Variants in CDH13 observed in about 807,000 individuals in gnomAD.
CDH13 encodes cadherin 13.
CDH13 carries 24 observed loss-of-function variants against 63.8 expected under a neutral mutation model. The ratio of observed to expected loss-of-function variants is 0.38; its 90% CI spans 0.27 to 0.53. The LOEUF is 0.53. Among genes scored for constraint, CDH13 ranks in the 20% least tolerant of loss-of-function variants. CDH13 has a pLI of 0.85. For missense variants in CDH13, 1,049 were observed against 903.1 expected (o/e 1.16, Z -2.07); for synonymous variants, 503 against 355.3 (o/e 1.42, Z -4.67).
At chr16:83,539,667 A>G (rs959046364) in intron 7 of CDH13, among the ~76,000 whole-genome samples, 3 of 152,246 alleles carry the variant, frequency 2.0e-5, no homozygotes, top group Non-Finnish European at 4.4e-5. Flanking sequence ...CGTGTCACTC[A>G]TGGAGTCCTC....
chr16:83,536,956 T>A (rs1307990425), intron 7 of CDH13, among the ~76,000 whole-genome samples: 2 of 152,122 alleles, frequency 1.3e-5, no homozygotes, highest in Non-Finnish European at 2.9e-5. Flanking sequence ...ATGCCACAGG[T>A]GTTTCATCTT....
chr16:83,589,943 TG>T (rs560559035), intron 7 of CDH13, among the ~76,000 whole-genome samples: 1 of 128,796 alleles, frequency 7.8e-6, no homozygotes, highest in Non-Finnish European at 1.6e-5. Flanking sequence ...GCTTAGGAGG[TG>T]GGGGCGGGAA....
intron 5 of CDH13, among the ~76,000 whole-genome samples, chr16:83,251,672 C>G (rs923822399): frequency 2.0e-5 from 3 of 152,342 alleles, no homozygotes; most frequent in East Asian, 1.9e-4. Flanking sequence ...TGGCGTAGGC[C>G]TTCGTTGACA....
chr16:82,783,214 C>T (rs1321849402), intron 1 of CDH13, among the ~76,000 whole-genome samples: 2 of 152,232 alleles, frequency 1.3e-5, no homozygotes, highest in East Asian at 3.9e-4. Context: ...CAGCTCCTCC[C>T]CTTCAGGGCC....
chr16:83,615,587 T>C (rs1423553085), intron 8 of CDH13, among the ~76,000 whole-genome samples: 1 of 152,174 alleles, frequency 6.6e-6, no homozygotes, highest in Non-Finnish European at 1.5e-5. Flanking sequence ...TCAACCCAAC[T>C]ATATGCTACT....
intron 2 of CDH13, among the ~76,000 whole-genome samples, chr16:82,966,915 A>T (rs12598295): frequency 0.15 from 22,887 of 152,156 alleles, 1,779 homozygotes; most frequent in Middle Eastern, 0.2. Flanking sequence ...CAACACACTT[A>T]ATTTGGATTT....
chr16:83,750,085 C>T (rs1418792928), intron 11 of CDH13, among the ~76,000 whole-genome samples: 1 of 152,060 alleles, frequency 6.6e-6, no homozygotes, highest in African/African-American at 2.4e-5. Flanking sequence ...ATTACAAGGC[C>T]AGGAGTTTGA....
intron 8 of CDH13, among the ~76,000 whole-genome samples, chr16:83,605,687 T>C (rs552930630): frequency 6.6e-6 from 1 of 152,276 alleles, no homozygotes; most frequent in South Asian, 2.1e-4. Flanking sequence ...AGGAAGGCCA[T>C]GATGAAGAAG....
intron 2 of CDH13, among the ~76,000 whole-genome samples, chr16:83,007,785 C>G (rs1030448502): frequency 1.3e-5 from 2 of 150,610 alleles, no homozygotes; most frequent in Admixed American, 6.6e-5. Flanking sequence ...GATCACACCA[C>G]TGCACTCTAG....
At chr16:82,771,709 G>C (rs1214861060) in intron 1 of CDH13, among the ~76,000 whole-genome samples, 1 of 152,192 alleles carries the variant, frequency 6.6e-6, no homozygotes, top group African/African-American at 2.4e-5. Context: ...AGAAGGTCCT[G>C]GGATGAGAAT....
At chr16:83,237,787 A>C (rs975421639) in intron 5 of CDH13, among the ~76,000 whole-genome samples, 6 of 152,228 alleles carry the variant, frequency 3.9e-5, no homozygotes, top group Admixed American at 3.3e-4. Flanking sequence ...TCCTAGAGTC[A>C]CTGTCGAGAT....
chr16:83,555,691 TG>T (rs1031635040), intron 7 of CDH13, among the ~76,000 whole-genome samples: 1 of 152,312 alleles, frequency 6.6e-6, no homozygotes, highest in East Asian at 1.9e-4. Context: ...GCAATCTGTT[TG>T]GGGGATAGTT....
At chr16:83,743,456 G>A (rs1298608385) in intron 10 of CDH13, among the ~76,000 whole-genome samples, 1 of 152,114 alleles carries the variant, frequency 6.6e-6, no homozygotes, top group Non-Finnish European at 1.5e-5. Flanking sequence ...GAATACAACT[G>A]CTTCTTTGAC....
intron 7 of CDH13, among the ~76,000 whole-genome samples, chr16:83,524,784 C>G (rs1451718134): frequency 1.3e-5 from 2 of 152,066 alleles, no homozygotes; most frequent in Non-Finnish European, 2.9e-5. Flanking sequence ...CTCTTACTAG[C>G]TGAGAGGTCT....
chr16:83,142,568 C>T (rs543077734), intron 4 of CDH13, among the ~76,000 whole-genome samples: 6 of 152,318 alleles, frequency 3.9e-5, no homozygotes, highest in African/African-American at 9.6e-5. Context: ...CAGGTCCTTC[C>T]TCATGTGTAG....
intron 3 of CDH13, among the ~76,000 whole-genome samples, chr16:83,079,157 G>A (rs556881114): frequency 1.3e-5 from 2 of 152,226 alleles, no homozygotes; most frequent in South Asian, 2.1e-4. Flanking sequence ...ATTATATGTG[G>A]CCAAAAGTTT....
chr16:83,049,323 C>CACTTTTTTTTTTTTTT lies in CDH13; in HGVS notation c.366+17105_366+17106insACTTTTTTTTTTTTTT. ...CAATACTTGGGCATTTATGACTGGCCTCTTTTTTTTTTTTTTTTTTTTTGA... is the reference window on the plus strand; with the variant it reads ...CAATACTTGGGCATTTATGACTGGCCACTTTTTTTTTTTTTTTCTTTTTTTTTTTTTTTTTTTTTGA... On this transcript the variant is annotated intron_variant, in intron 3 of 13. Coordinates refer to ENST00000567109, the MANE Select transcript of CDH13 (RefSeq NM_001257.5). Among the ~76,000 whole-genome samples, 3 of 68,988 alleles carry CACTTTTTTTTTTTTTT rather than the reference C, an allele frequency of 4.3e-5. 1 individual carries two copies. Among genetic ancestry groups the CACTTTTTTTTTTTTTT allele is most frequent in the Non-Finnish European group, 9.1e-5 (3 of 33,128 alleles). The allele number at this position is 68,988 out of a possible 152,430, so 45.3% of individuals were successfully genotyped here.
chr16:83,234,276 C>T (rs981538193), intron 5 of CDH13, among the ~76,000 whole-genome samples: 2 of 152,152 alleles, frequency 1.3e-5, no homozygotes, highest in African/African-American at 2.4e-5. Context: ...TGATTTTCTT[C>T]AGAATGAGTG....
intron 2 of CDH13, among the ~76,000 whole-genome samples, chr16:83,031,488 A>G (rs1916347637): frequency 6.6e-6 from 1 of 151,300 alleles, no homozygotes; most frequent in Non-Finnish European, 1.5e-5. Flanking sequence ...GTATATGCAC[A>G]TCGTTAATTC....
Sources: gnomAD v4.1 joint callset for allele counts (sites outside exome capture counted in the v4.1 genomes callset) on GRCh38, gnomAD v4.1.1 for gene constraint, MANE v1.5 for transcripts, NCBI Gene and HGNC (gene_info 2026-07-23, HGNC 2026-07-21) for gene names.